Variants in NYAP2 observed in about 807,000 individuals in gnomAD.
NYAP2 encodes neuronal tyrosine-phosphorylated phosphoinositide-3-kinase adapter 2.
A neutral mutation model predicts 50.4 loss-of-function variants in NYAP2; 23 were observed. The observed-to-expected ratio is 0.46, with a 90% CI of 0.33 to 0.65. The LOEUF (loss-of-function observed/expected upper bound fraction) is 0.65, where lower values mean the gene tolerates loss of function less well. NYAP2 is among the 30% of genes least tolerant of loss of function. NYAP2 has a pLI of 0.02. For synonymous variants in NYAP2, 394 were observed against 365.2 expected (o/e 1.08, Z -0.90); for missense variants, 885 against 861.0 (o/e 1.03, Z -0.35).
intron 4 of NYAP2, among the ~76,000 whole-genome samples, chr2:225,536,591 AT>A (rs1301832608): frequency 6.6e-6 from 1 of 152,004 alleles, no homozygotes; most frequent in African/African-American, 2.4e-5. Context: ...TACATAAGAT[AT>A]TTTTATATAA....
chr2:225,410,211 T>G (rs1695012467), intron 3 of NYAP2, among the ~76,000 whole-genome samples: 1 of 152,110 alleles, frequency 6.6e-6, no homozygotes, highest in African/African-American at 2.4e-5. Context: ...TGTACAAGAT[T>G]GTTTTAAAAG....
chr2:225,598,376 G>C (rs1241061845), intron 5 of NYAP2, among the ~76,000 whole-genome samples: 5 of 152,046 alleles, frequency 3.3e-5, no homozygotes, highest in African/African-American at 1.2e-4. Flanking sequence ...AAAGCTATAG[G>C]TATTAACCAA....
chr2:225,701,805 A>G, the NYAP2 span: 2 of 151,824 alleles, frequency 1.3e-5, no homozygotes, highest in African/African-American at 4.8e-5. Flanking sequence ...TTACTTTCCA[A>G]AGTAGTGACA....
At chr2:225,468,893 C>T (rs1689967326) in intron 3 of NYAP2, among the ~76,000 whole-genome samples, 1 of 152,178 alleles carries the variant, frequency 6.6e-6, no homozygotes, top group Non-Finnish European at 1.5e-5. Flanking sequence ...TAAATTCTAG[C>T]CTTGCCATTA....
intron 3 of NYAP2, among the ~76,000 whole-genome samples, chr2:225,453,094 A>G (rs1226972037): frequency 6.6e-6 from 1 of 152,188 alleles, no homozygotes; most frequent in Non-Finnish European, 1.5e-5. Flanking sequence ...TCTAGATGCA[A>G]CTCAGTATGT....
At chr2:225,508,008 T>C (rs767207829) in intron 3 of NYAP2, among the ~76,000 whole-genome samples, 10 of 152,310 alleles carry the variant, frequency 6.6e-5, no homozygotes, top group Admixed American at 2.0e-4. Context: ...TTTACAAACA[T>C]TGCATCAATT....
At chr2:225,620,172 G>A (rs1030732254) in intron 5 of NYAP2, among the ~76,000 whole-genome samples, 1 of 152,110 alleles carries the variant, frequency 6.6e-6, no homozygotes, top group African/African-American at 2.4e-5. Flanking sequence ...TGAGATATAT[G>A]GATATGGATA....
At chr2:225,660,257 G>A in the NYAP2 span, among the ~76,000 whole-genome samples, 1 of 152,100 alleles carries the variant, frequency 6.6e-6, no homozygotes. Flanking sequence ...TATGTGGGTT[G>A]GAGGCAAAGT....
intron 4 of NYAP2, among the ~76,000 whole-genome samples, chr2:225,521,891 A>G (rs995628595): frequency 1.3e-5 from 2 of 152,200 alleles, no homozygotes; most frequent in African/African-American, 2.4e-5. Flanking sequence ...TCGGCTGTGA[A>G]TCCATCTGGT....
At chr2:225,699,559 C>T in the NYAP2 span, 1 of 151,996 alleles carries the variant, frequency 6.6e-6, no homozygotes, top group Non-Finnish European at 1.5e-5. Context: ...TTTTAATACA[C>T]TAAATGCCAA....
intron 3 of NYAP2, among the ~76,000 whole-genome samples, chr2:225,462,582 C>G (rs1473930244): frequency 6.6e-6 from 1 of 152,174 alleles, no homozygotes; most frequent in African/African-American, 2.4e-5. Flanking sequence ...TATTCATCTT[C>G]TTGATCTTAT....
intron 4 of NYAP2, among the ~76,000 whole-genome samples, chr2:225,555,400 GT>G (rs959016372): frequency 6.6e-6 from 1 of 151,716 alleles, no homozygotes; most frequent in African/African-American, 2.4e-5. Flanking sequence ...TCCTAAGACT[GT>G]TTTTTTTAGA....
chr2:225,581,186 T>C (rs1005449190), intron 4 of NYAP2, among the ~76,000 whole-genome samples: 2 of 152,228 alleles, frequency 1.3e-5, no homozygotes, highest in Admixed American at 6.5e-5. Context: ...CCCTGAGTTA[T>C]TCTCTTTTAA....
At chr2:225,483,744 C>T (rs561938758) in intron 3 of NYAP2, among the ~76,000 whole-genome samples, 28 of 152,206 alleles carry the variant, frequency 1.8e-4, no homozygotes, top group African/African-American at 4.8e-4. Context: ...AAGGTTTATA[C>T]GGAAATAATT....
At chr2:225,564,745 G>C (rs1691934112) in intron 4 of NYAP2, among the ~76,000 whole-genome samples, 1 of 151,504 alleles carries the variant, frequency 6.6e-6, no homozygotes, top group Non-Finnish European at 1.5e-5. Flanking sequence ...TCAGTTTTTA[G>C]AAATATTCTC....
chr2:225,657,539 A>G (rs192841472), downstream of NYAP2, among the ~76,000 whole-genome samples: 7 of 151,754 alleles, frequency 4.6e-5, no homozygotes, highest in Admixed American at 3.9e-4. Flanking sequence ...AACAAGTCCT[A>G]AGGGCAATAT....
At chr2:225,621,851 C>A (rs1240874987) in intron 5 of NYAP2, among the ~76,000 whole-genome samples, 1 of 151,998 alleles carries the variant, frequency 6.6e-6, no homozygotes, top group East Asian at 1.9e-4. Context: ...TAGCAATAAA[C>A]CCTTATGCTA....
intron 4 of NYAP2, among the ~76,000 whole-genome samples, chr2:225,570,504 C>T (rs1327383289): frequency 6.6e-6 from 1 of 152,134 alleles, no homozygotes; most frequent in Non-Finnish European, 1.5e-5. Context: ...GTGGATGGCA[C>T]CTCTTCACAG....
intron 3 of NYAP2, among the ~76,000 whole-genome samples, chr2:225,474,786 A>T (rs1690075887): frequency 6.6e-6 from 1 of 152,158 alleles, no homozygotes; most frequent in South Asian, 2.1e-4. Context: ...TCTTTTCCTA[A>T]TTGAATACCC....
Sources: gnomAD v4.1 joint callset for allele counts (sites outside exome capture counted in the v4.1 genomes callset) on GRCh38, gnomAD v4.1.1 for gene constraint, MANE v1.5 for transcripts, NCBI Gene and HGNC (gene_info 2026-07-23, HGNC 2026-07-21) for gene names.